Variants in CERS6 observed in about 807,000 individuals in gnomAD.
The protein encoded by CERS6 is LAG1 homolog, ceramide synthase 6.
In CERS6, 26 loss-of-function variants were observed where a neutral mutation model predicts 56.8. That is an observed-to-expected ratio of 0.46 (90% CI 0.34 to 0.63). The LOEUF (loss-of-function observed/expected upper bound fraction) is 0.63, where lower values mean the gene tolerates loss of function less well. CERS6 is among the 30% of genes least tolerant of loss of function. CERS6 has a pLI of 0.01. For synonymous variants in CERS6, 164 were observed against 173.3 expected, an observed-to-expected ratio of 0.95 and a Z score of 0.42; for missense variants, 415 against 467.5, an observed-to-expected ratio of 0.89 and a Z score of 1.04.
intron 3 of CERS6, among the ~76,000 whole-genome samples, chr2:168,616,011 C>T (rs1009931679): frequency 2.0e-4 from 31 of 152,290 alleles, no homozygotes; most frequent in African/African-American, 5.5e-4. Flanking sequence ...ATCAGATTTA[C>T]GGCAGATTTC....
intron 8 of CERS6, among the ~76,000 whole-genome samples, chr2:168,750,485 T>G (rs1684232052): frequency 6.6e-6 from 1 of 152,234 alleles, no homozygotes; most frequent in Admixed American, 6.5e-5. Context: ...CTTTTTTCTT[T>G]ACCAAAGTAA....
intron 3 of CERS6, among the ~76,000 whole-genome samples, chr2:168,597,967 C>T (rs1405835867): frequency 6.6e-6 from 1 of 152,192 alleles, no homozygotes; most frequent in East Asian, 1.9e-4. Context: ...CTCTTTGCCT[C>T]TCTTTCAGAC....
intron 1 of CERS6, among the ~76,000 whole-genome samples, chr2:168,503,980 G>C (rs928956164): frequency 1.8e-4 from 27 of 152,158 alleles, no homozygotes; most frequent in Admixed American, 6.5e-5. Flanking sequence ...AGCCTAAAGG[G>C]GTTAATGTGT....
At chr2:168,624,735 C>T (rs994779529) in intron 3 of CERS6, among the ~76,000 whole-genome samples, 4 of 152,100 alleles carry the variant, frequency 2.6e-5, no homozygotes, top group South Asian at 2.1e-4. Context: ...ACATATAATA[C>T]GGAAACCTCA....
At chr2:168,662,057 T>C (rs553624841) in intron 4 of CERS6, among the ~76,000 whole-genome samples, 1 of 152,080 alleles carries the variant, frequency 6.6e-6, no homozygotes, top group African/African-American at 2.4e-5. Context: ...ACTATTACAA[T>C]ACTGAGTGTT....
Position 168,772,980 on chromosome 2 carries a change from T to G in CERS6, c.*3318T>G, listed in dbSNP as rs558052446. 5.9e-5 allele frequency: 9 copies of G among 152,394 alleles called. No individual in the cohort carries two copies. In the East Asian group the frequency reaches 1.5e-3, roughly 26 times the overall value. The allele number at this position is 152,394 out of a possible 1,614,324, so 9.4% of individuals were successfully genotyped here. Reference sequence around the variant, plus strand: ...TCAGAGTATTTGGTGGAGTTTGAATTTGAGCAAACTAAATGCCTTCATCTT... The same window carrying G: ...TCAGAGTATTTGGTGGAGTTTGAATGTGAGCAAACTAAATGCCTTCATCTT... On this transcript the variant is annotated 3_prime_UTR_variant, in exon 10 of 10. Transcript: ENST00000305747.
Position 168,561,290 on chromosome 2 carries a change from G to A in CERS6, c.375G>A (p.Lys125=). Residue 125 remains lysine, a synonymous_variant, in exon 3 of 10, where the codon AAG becomes AAA. Coordinates refer to ENST00000305747, the MANE Select transcript of CERS6 (RefSeq NM_203463.3). The part of the protein sequence containing the change: ...RWFRQRRNQE[K]PSTLTRFCES... ...TTCGACAAAGACGCAATCAGGAGAA[G>A]CCAAGCACGCTGACGAGGTTCTGTG... 4 of 1,614,172 alleles carry A rather than the reference G, an allele frequency of 2.5e-6. No individual in the cohort carries two copies. The highest frequency in any genetic ancestry group is 3.4e-6 in the Non-Finnish European group (4 of 1,180,002).
Position 168,691,090 on chromosome 2 carries a change from G to A in CERS6, c.516+6G>A. 1.2e-6 allele frequency: 2 copies of A among 1,612,516 alleles called. No homozygotes were observed. The highest frequency in any genetic ancestry group is 1.7e-6 in the Non-Finnish European group (2 of 1,178,752). On this transcript the variant is annotated splice_donor_region_variant and intron_variant, in intron 5 of 9. Coordinates refer to ENST00000305747, the MANE Select transcript of CERS6 (RefSeq NM_203463.3). ...GGTACAACTACCCCTATCAGGTAAG[G>A]AGGCATTATTGTCTGGGTTTTTACA...
chr2:168,658,035 G>T (rs184650157), intron 4 of CERS6, among the ~76,000 whole-genome samples: 1 of 152,326 alleles, frequency 6.6e-6, no homozygotes, highest in African/African-American at 2.4e-5. Flanking sequence ...AAGATAGTGT[G>T]CCAAGCCAGT....
intron 4 of CERS6, among the ~76,000 whole-genome samples, chr2:168,657,755 G>A (rs1156755144): frequency 6.6e-6 from 1 of 152,318 alleles, no homozygotes; most frequent in Admixed American, 6.5e-5. Context: ...CCAAGCCCAC[G>A]CCCACCCGGA....
intron 6 of CERS6, among the ~76,000 whole-genome samples, chr2:168,696,294 T>C (rs1006122741): frequency 6.6e-6 from 1 of 152,292 alleles, no homozygotes; most frequent in South Asian, 2.1e-4. Flanking sequence ...CCAAAAGTCA[T>C]GTCAGCCAGG....
At chr2:168,706,229 T>C (rs1015100980) in intron 6 of CERS6, among the ~76,000 whole-genome samples, 2 of 152,230 alleles carry the variant, frequency 1.3e-5, no homozygotes, top group Non-Finnish European at 2.9e-5. Flanking sequence ...AGCTCCATGC[T>C]CTGGCCAGGC....
At chr2:168,620,398 A>G (rs1254814550) in intron 3 of CERS6, among the ~76,000 whole-genome samples, 1 of 152,066 alleles carries the variant, frequency 6.6e-6, no homozygotes, top group Admixed American at 6.6e-5. Context: ...ACCAAATAAC[A>G]CCTATTCCTC....
intron 1 of CERS6, among the ~76,000 whole-genome samples, chr2:168,497,067 A>C (rs1206927601): frequency 2.0e-5 from 3 of 152,206 alleles, no homozygotes; most frequent in Non-Finnish European, 4.4e-5. Context: ...CTGTGTCTCA[A>C]GTGTAAGTAA....
At chr2:168,552,505 T>C (rs557371970) in intron 2 of CERS6, among the ~76,000 whole-genome samples, 3 of 151,990 alleles carry the variant, frequency 2.0e-5, no homozygotes, top group Non-Finnish European at 4.4e-5. Flanking sequence ...GCTACCTAGA[T>C]TGGGCAGAAA....
intron 1 of CERS6, among the ~76,000 whole-genome samples, chr2:168,461,793 G>C (rs1031219231): frequency 1.3e-5 from 2 of 152,310 alleles, no homozygotes; most frequent in African/African-American, 4.8e-5. Flanking sequence ...AATACCCTGA[G>C]TTCACTTATG....
intron 1 of CERS6, among the ~76,000 whole-genome samples, chr2:168,478,786 T>C (rs1694125005): frequency 6.6e-6 from 1 of 152,242 alleles, no homozygotes; most frequent in Admixed American, 6.5e-5. Flanking sequence ...TCTTATTTGT[T>C]ATCATCATCA....
intron 1 of CERS6, among the ~76,000 whole-genome samples, chr2:168,519,436 T>G (rs1439169285): frequency 1.3e-5 from 2 of 152,158 alleles, no homozygotes; most frequent in Non-Finnish European, 2.9e-5. Flanking sequence ...GTCTATTGTG[T>G]GATGCTGAGG....
intron 1 of CERS6, among the ~76,000 whole-genome samples, chr2:168,494,755 G>C (rs544503352): frequency 6.6e-6 from 1 of 152,258 alleles, no homozygotes; most frequent in African/African-American, 2.4e-5. Context: ...ACTACCCTTT[G>C]TTAAAAGCAT....
Sources: gnomAD v4.1 joint callset for allele counts (sites outside exome capture counted in the v4.1 genomes callset) on GRCh38, gnomAD v4.1.1 for gene constraint, MANE v1.5 for transcripts, NCBI Gene and HGNC (gene_info 2026-07-23, HGNC 2026-07-21) for gene names.